Variants in SPATS2 observed in about 807,000 individuals in gnomAD.
SPATS2 encodes the protein spermatogenesis-associated serine-rich protein 2.
SPATS2 carries 38 observed loss-of-function variants against 63.7 expected under a neutral mutation model. That is an observed-to-expected ratio of 0.60 (90% CI 0.46 to 0.78). SPATS2 has a LOEUF of 0.78. Ranked by LOEUF, SPATS2 falls within the 30% of genes least tolerant of loss-of-function variation. The pLI is 0.00. For synonymous variants in SPATS2, 207 were observed against 232.9 expected, an observed-to-expected ratio of 0.89 and a Z score of 1.01; for missense variants, 588 against 666.2, an observed-to-expected ratio of 0.88 and a Z score of 1.29.
At chr12:49,403,068 G>C (rs1462470273) in intron 2 of SPATS2, among the ~76,000 whole-genome samples, 1 of 152,176 alleles carries the variant, frequency 6.6e-6, no homozygotes, top group Admixed American at 6.5e-5. Flanking sequence ...TGAGGATTCA[G>C]AATGACCTGA....
At chr12:49,459,549 T>G (rs1253059921) in intron 2 of SPATS2, among the ~76,000 whole-genome samples, 2 of 151,748 alleles carry the variant, frequency 1.3e-5, no homozygotes, top group Non-Finnish European at 2.9e-5. Context: ...GGTTTCTCCA[T>G]GTTGGTCCGG....
At chr12:49,453,350 A>G (rs1443411404) in intron 2 of SPATS2, among the ~76,000 whole-genome samples, 1 of 151,582 alleles carries the variant, frequency 6.6e-6, no homozygotes, top group African/African-American at 2.4e-5. Flanking sequence ...AGCAACTTTG[A>G]TTTCTGGATT....
At chr12:49,403,594 T>TACACACACAC (rs5798102) in intron 2 of SPATS2, among the ~76,000 whole-genome samples, 270 of 128,488 alleles carry the variant, frequency 2.1e-3, no homozygotes, top group East Asian at 2.7e-3. Context: ...TGCCACTGTC[T>TACACACACAC]ACACACACAC....
At chr12:49,518,295 G>A (rs1431890511) in intron 10 of SPATS2, among the ~76,000 whole-genome samples, 2 of 152,130 alleles carry the variant, frequency 1.3e-5, no homozygotes, top group African/African-American at 4.8e-5. Context: ...GATTTCTTTG[G>A]TTTTGTTTCC....
chr12:49,467,044 G>GTTTT lies in SPATS2; in HGVS notation c.25+6030_25+6033dup, dbSNP rs59350335. ...TTTATTGTTAAATAATTTGTTCTTT[G>GTTTT]TTTTTTTTTTTTTTTTTTTTTTTTT... On this transcript the variant is annotated intron_variant, in intron 3 of 13. Coordinates refer to ENST00000552918, the MANE Select transcript of SPATS2 (RefSeq NM_023071.4). Among the ~76,000 whole-genome samples the GTTTT allele has an allele frequency of 3.0e-4, 23 of 75,768 alleles. 1 individual carries two copies. Among genetic ancestry groups the GTTTT allele is most frequent in the African/African-American group, 6.6e-4 (13 of 19,630 alleles). 49.7% of individuals were successfully genotyped at this position (75,768 alleles called of 152,430 possible).
intron 13 of SPATS2, among the ~76,000 whole-genome samples, chr12:49,525,429 A>G (rs182600721): frequency 2.4e-4 from 37 of 152,332 alleles, no homozygotes; most frequent in African/African-American, 7.9e-4. Context: ...GATGTTTGGA[A>G]TTGGAGGACA....
intron 12 of SPATS2, 83 bp downstream of exon 12, chr12:49,522,936 C>A: frequency 1.8e-6 from 2 of 1,135,334 alleles, no homozygotes; most frequent in Non-Finnish European, 2.6e-6. Context: ...ACCACTGATT[C>A]CTCATTAGTG....
chr12:49,395,695 G>A (rs1367722361), intron 2 of SPATS2, among the ~76,000 whole-genome samples: 1 of 152,116 alleles, frequency 6.6e-6, no homozygotes, highest in Non-Finnish European at 1.5e-5. Flanking sequence ...CAAAGTGCTG[G>A]GATTACAGGC....
chr12:49,476,500 G>A (rs1028208784), intron 3 of SPATS2, among the ~76,000 whole-genome samples: 1 of 152,090 alleles, frequency 6.6e-6, no homozygotes, highest in African/African-American at 2.4e-5. Context: ...ATAAGACAGG[G>A]GTCTAATTGA....
chr12:49,382,118 A>G lies in SPATS2; in HGVS notation c.-244+10828A>G, dbSNP rs116504414. On this transcript the variant is annotated intron_variant, in intron 2 of 13. Transcript: ENST00000552918. ...TTGCGATGCCTCTGTGCCTATACCT[A>G]TTTTGTGAACTCTGCCTGCAATGCC... Among the ~76,000 whole-genome samples the G allele has an allele frequency of 5.0e-3, 761 of 152,172 alleles. 9 individuals are homozygous for G. Among genetic ancestry groups the G allele is most frequent in the African/African-American group, 0.017 (694 of 41,514 alleles).
chr12:49,388,694 T>G (rs899946733), intron 2 of SPATS2, among the ~76,000 whole-genome samples: 1 of 149,260 alleles, frequency 6.7e-6, no homozygotes, highest in Non-Finnish European at 1.5e-5. Flanking sequence ...CATTTTTTTT[T>G]CCTTTTTTTT....
intron 3 of SPATS2, among the ~76,000 whole-genome samples, chr12:49,480,788 G>A (rs946008104): frequency 6.8e-6 from 1 of 146,086 alleles, no homozygotes; most frequent in African/African-American, 2.5e-5. Flanking sequence ...CACACTTGTT[G>A]TTTTCTGTTT....
intron 2 of SPATS2, among the ~76,000 whole-genome samples, chr12:49,379,936 T>G (rs1036335006): frequency 6.6e-6 from 1 of 151,986 alleles, no homozygotes; most frequent in Non-Finnish European, 1.5e-5. Context: ...TTCAGAACTT[T>G]TTCATCACCC....
At chr12:49,402,826 C>G (rs1245981617) in intron 2 of SPATS2, among the ~76,000 whole-genome samples, 1 of 152,092 alleles carries the variant, frequency 6.6e-6, no homozygotes, top group East Asian at 1.9e-4. Context: ...ATAACTTTAC[C>G]TCTTCTAACC....
intron 2 of SPATS2, among the ~76,000 whole-genome samples, chr12:49,409,112 A>G (rs996285245): frequency 3.9e-5 from 6 of 152,122 alleles, no homozygotes; most frequent in Admixed American, 2.6e-4. Flanking sequence ...GGTACTTCTA[A>G]TGGTGTTTCA....
At chr12:49,401,900 G>A (rs1448982745) in intron 2 of SPATS2, among the ~76,000 whole-genome samples, 3 of 152,174 alleles carry the variant, frequency 2.0e-5, no homozygotes, top group Non-Finnish European at 4.4e-5. Context: ...GTTTCGCCAT[G>A]TTGGCCAGGC....
At chr12:49,514,931 T>G (rs113615174) in intron 10 of SPATS2, among the ~76,000 whole-genome samples, 2,583 of 152,304 alleles carry the variant, frequency 0.017, 75 homozygotes, top group African/African-American at 0.059. Context: ...TCCACTGGGA[T>G]TTTTTCTACT....
rs1267124950 is a variant in SPATS2 at position 49,449,335 on chromosome 12, C to A, written c.-243-11435C>A. On this transcript the variant is annotated intron_variant, in intron 2 of 13. Transcript: ENST00000552918. ...GGTTCAAGCGATTTTCCTGCCTCAGCCTCCTGAGTAGCTGGGGTTACAGGC... is the reference window on the plus strand; with the variant it reads ...GGTTCAAGCGATTTTCCTGCCTCAGACTCCTGAGTAGCTGGGGTTACAGGC... Among the ~76,000 whole-genome samples the A allele has an allele frequency of 2.0e-5, 3 of 152,176 alleles. No individual in the cohort carries two copies. In the East Asian group the frequency reaches 5.8e-4, roughly 29 times the overall value.
intron 2 of SPATS2, among the ~76,000 whole-genome samples, chr12:49,381,222 C>G (rs1458968613): frequency 1.3e-5 from 2 of 152,104 alleles, no homozygotes; most frequent in Admixed American, 1.3e-4. Flanking sequence ...GTCCTTTGCC[C>G]AATTTCAAAT....
Sources: gnomAD v4.1 joint callset for allele counts (sites outside exome capture counted in the v4.1 genomes callset) on GRCh38, gnomAD v4.1.1 for gene constraint, MANE v1.5 for transcripts, NCBI Gene and HGNC (gene_info 2026-07-23, HGNC 2026-07-21) for gene names.